Variants in MAST2 observed in about 807,000 individuals in gnomAD.
The protein encoded by MAST2 is microtubule-associated serine/threonine-protein kinase 2.
Under a neutral mutation model 147.4 loss-of-function variants are expected in MAST2, and 70 were observed. The ratio of observed to expected loss-of-function variants is 0.47; its 90% CI spans 0.39 to 0.58. MAST2 has a LOEUF of 0.58. Among genes scored for constraint, MAST2 ranks in the 20% least tolerant of loss-of-function variants. The pLI is 0.00. For missense variants in MAST2, 2,080 were observed against 2,302.3 expected (o/e 0.90, Z 1.98); for synonymous variants, 869 against 896.8 (o/e 0.97, Z 0.55).
At chr1:45,886,787 A>G (rs1185004539) in intron 4 of MAST2, among the ~76,000 whole-genome samples, 1 of 152,020 alleles carries the variant, frequency 6.6e-6, no homozygotes, top group African/African-American at 2.4e-5. Flanking sequence ...CCTCTTTTTG[A>G]TGATTCCTTT....
At chr1:45,893,680 A>G (rs897651072) in intron 4 of MAST2, among the ~76,000 whole-genome samples, 1 of 152,082 alleles carries the variant, frequency 6.6e-6, no homozygotes, top group Non-Finnish European at 1.5e-5. Context: ...CAGAAACGTT[A>G]TGGATAATGA....
intron 6 of MAST2, among the ~76,000 whole-genome samples, chr1:46,002,111 G>A (rs944364821): frequency 2.6e-5 from 4 of 151,786 alleles, no homozygotes; most frequent in African/African-American, 4.9e-5. Context: ...GTGGCGGGGT[G>A]GGGGGGCATG....
At chr1:45,812,063 C>T (rs1448310036) in intron 1 of MAST2, among the ~76,000 whole-genome samples, 4 of 152,116 alleles carry the variant, frequency 2.6e-5, no homozygotes, top group Admixed American at 1.3e-4. Context: ...AGCCACCGCG[C>T]GCGGCACAGG....
rs543364420 is a variant in MAST2, at chr1:45,849,079, G to A, written c.468+19498G>A. Among the ~76,000 whole-genome samples, 11 of 152,242 alleles carry A rather than the reference G, an allele frequency of 7.2e-5. No homozygotes were observed. The South Asian group carries it at 2.3e-3, about 32-fold the overall frequency. On this transcript the variant is annotated intron_variant, in intron 3 of 28. Coordinates refer to ENST00000361297, the MANE Select transcript of MAST2 (RefSeq NM_015112.3). ...TAGAAGACACTGCTCAAGGAAATCA[G>A]AGAAGACAAAAACAAATGAAAAAAC...
intron 3 of MAST2, among the ~76,000 whole-genome samples, chr1:45,829,861 A>G (rs1341200949): frequency 2.1e-5 from 3 of 144,536 alleles, no homozygotes; most frequent in African/African-American, 7.7e-5. Context: ...TAAGAATGAA[A>G]TTTTTTTTTT....
intron 5 of MAST2, among the ~76,000 whole-genome samples, chr1:45,989,338 A>G (rs1320449734): frequency 6.6e-6 from 1 of 152,116 alleles, no homozygotes; most frequent in Non-Finnish European, 1.5e-5. Context: ...TTATTAACCC[A>G]TACTCCTTGA....
chr1:46,007,389 A>C (rs1432825767), intron 8 of MAST2, among the ~76,000 whole-genome samples: 3 of 152,202 alleles, frequency 2.0e-5, no homozygotes, highest in Admixed American at 1.3e-4. Context: ...TCTGTGTCAC[A>C]GAGGAACACC....
intron 6 of MAST2, among the ~76,000 whole-genome samples, chr1:46,001,189 A>G (rs1254106134): frequency 2.0e-5 from 3 of 152,216 alleles, no homozygotes; most frequent in African/African-American, 7.2e-5. Context: ...ATATGCTTGG[A>G]GGCAGGAATT....
At chr1:46,024,171 A>T in intron 15 of MAST2, 191 bp downstream of exon 15, 1 of 592,430 alleles carries the variant, frequency 1.7e-6, no homozygotes, top group Admixed American at 2.7e-5. Flanking sequence ...CCCTGCCTCT[A>T]CCATGAGAGG....
intron 3 of MAST2, among the ~76,000 whole-genome samples, chr1:45,850,603 T>G (rs1645592336): frequency 6.6e-6 from 1 of 152,324 alleles, no homozygotes; most frequent in Non-Finnish European, 1.5e-5. Context: ...ATTTAAATCT[T>G]TAATCCATCT....
intron 7 of MAST2, among the ~76,000 whole-genome samples, chr1:46,003,240 G>C (rs765094177): frequency 2.6e-5 from 4 of 152,142 alleles, no homozygotes; most frequent in Non-Finnish European, 5.9e-5. Flanking sequence ...ACCAAGAGCA[G>C]ATCACCTTTC....
rs569521128 is a variant in MAST2 at position 45,872,597 on chromosome 1, C to A, written c.469-9767C>A. Among the ~76,000 whole-genome samples, 14 of 152,082 alleles carry A rather than the reference C, an allele frequency of 9.2e-5. No individual in the cohort carries two copies. The East Asian group carries it at 2.5e-3, about 27-fold the overall frequency. ...CTGGGTTCAAGAGATTCTCCTGCCT[C>A]AGCCTCCTGAGTAGCTGTGATTACA... On this transcript the variant is annotated intron_variant, in intron 3 of 28. Coordinates refer to ENST00000361297, the MANE Select transcript of MAST2 (RefSeq NM_015112.3).
intron 4 of MAST2, among the ~76,000 whole-genome samples, chr1:45,892,583 A>G (rs959599239): frequency 6.6e-6 from 1 of 152,190 alleles, no homozygotes; most frequent in Non-Finnish European, 1.5e-5. Flanking sequence ...CAGTTGTCCA[A>G]GCAATGCTAT....
At chr1:45,897,157 C>A (rs917832800) in intron 4 of MAST2, among the ~76,000 whole-genome samples, 3 of 152,184 alleles carry the variant, frequency 2.0e-5, no homozygotes, top group Non-Finnish European at 4.4e-5. Flanking sequence ...ACATTAGAAT[C>A]TTCTTGTGCT....
chr1:45,897,740 C>T (rs560955290), intron 4 of MAST2, among the ~76,000 whole-genome samples: 25 of 151,788 alleles, frequency 1.6e-4, no homozygotes, highest in African/African-American at 5.1e-4. Context: ...GCCCTGGAAG[C>T]GGAGGTTGCG....
At position 46,023,201 on chromosome 1, in the gene MAST2, G is replaced by T. The variant is rs773899119; in HGVS notation, c.1486-32G>T. 1.9e-6 allele frequency: 3 copies of T among 1,583,014 alleles called. No homozygotes were observed. The highest frequency in any genetic ancestry group is 2.7e-5 in the African/African-American group (2 of 74,292). ...CAAGGATATGGGCTCTGAGAAGCATGCCTGTCTCCTGCCTTTTCCCTTGTC... is the reference window on the plus strand; with the variant it reads ...CAAGGATATGGGCTCTGAGAAGCATTCCTGTCTCCTGCCTTTTCCCTTGTC... On this transcript the variant is annotated intron_variant, in intron 13 of 28. Transcript: ENST00000361297. The surrounding 1 kb of genome is among the most constrained non-coding windows in gnomAD (Gnocchi z 4.9).
rs1646891995 is a variant in MAST2 at position 46,036,003 on chromosome 1, A to AG, written c.5339dup (p.His1781ProfsTer13). The AG allele has an allele frequency of 1.2e-6, 2 of 1,613,586 alleles. No individual in the cohort carries two copies. Among genetic ancestry groups the AG allele is most frequent in the Non-Finnish European group, 1.7e-6 (2 of 1,179,946 alleles). On this transcript the variant is annotated frameshift_variant, in exon 29 of 29. Transcript: ENST00000361297. LOFTEE classifies it high-confidence loss of function. ...CCAGCCTCAGGAGGGGCCAAGAACC[A>AG]GGGGGCCATCAAAAGCATCGGGATT...
In MAST2 at chr1:45,941,763, T is replaced by A. The variant is rs560965632; in HGVS notation, c.501-17623T>A. ...ATAGAAGTGGTAGAAGCCAACATAC[T>A]TGCCTTGTTCCTCCTCTTAGGGAGA... On this transcript the variant is annotated intron_variant, in intron 4 of 28. Coordinates refer to ENST00000361297, the MANE Select transcript of MAST2 (RefSeq NM_015112.3). 4.6e-5 allele frequency among the ~76,000 whole-genome samples: 7 copies of A among 152,374 alleles called. No homozygotes were observed. The East Asian group carries it at 1.2e-3, about 25-fold the overall frequency.
At chr1:45,943,769 T>A (rs896192227) in intron 4 of MAST2, among the ~76,000 whole-genome samples, 1 of 151,910 alleles carries the variant, frequency 6.6e-6, no homozygotes, top group African/African-American at 2.4e-5. Flanking sequence ...AATAAATAAA[T>A]AAAAAATAGG....
Sources: allele counts gnomAD v4.1 joint callset (sites outside exome capture counted in the v4.1 genomes callset), GRCh38; gene constraint gnomAD v4.1.1; non-coding constraint Gnocchi (gnomAD v3.1); transcripts MANE v1.5; gene names NCBI Gene and HGNC (gene_info 2026-07-23, HGNC 2026-07-21).